REEP3: variants seen among roughly 807,000 people sequenced by gnomAD.
REEP3 encodes the protein receptor accessory protein 3, also known as receptor expression-enhancing protein 3.
Under a neutral mutation model 41.3 loss-of-function variants are expected in REEP3, and 20 were observed. That is an observed-to-expected ratio of 0.48 (90% CI 0.34 to 0.70). The LOEUF (loss-of-function observed/expected upper bound fraction) is 0.70. Among genes scored for constraint, REEP3 ranks in the 30% least tolerant of loss-of-function variants. The pLI, the probability that REEP3 is intolerant of heterozygous loss-of-function variation, is 0.01. For missense variants in REEP3, 271 were observed against 308.8 expected (o/e 0.88, Z 0.92); for synonymous variants, 104 against 101.8 (o/e 1.02, Z -0.13).
At chr10:63,588,630 C>A (rs1380591848) in intron 2 of REEP3, among the ~76,000 whole-genome samples, 1 of 152,140 alleles carries the variant, frequency 6.6e-6, no homozygotes, top group Non-Finnish European at 1.5e-5. Flanking sequence ...ACAGATGATT[C>A]ATCAGTGATC....
chr10:63,586,512 A>G (rs1956008276), intron 2 of REEP3, among the ~76,000 whole-genome samples: 1 of 152,188 alleles, frequency 6.6e-6, no homozygotes, highest in Middle Eastern at 3.2e-3. Flanking sequence ...AAATGAAAAT[A>G]TTCATCACAT....
chr10:63,568,264 T>C (rs1955818249), intron 2 of REEP3, among the ~76,000 whole-genome samples: 1 of 151,650 alleles, frequency 6.6e-6, no homozygotes, highest in Non-Finnish European at 1.5e-5. Context: ...GACTAATCCT[T>C]GTTTGTTTTT....
chr10:63,528,209 A>C (rs770212127), intron 1 of REEP3, among the ~76,000 whole-genome samples: 3 of 152,116 alleles, frequency 2.0e-5, no homozygotes, highest in Non-Finnish European at 2.9e-5. Flanking sequence ...AAACATCTGA[A>C]AGTCAGACTG....
At chr10:63,617,581 G>A (rs1049928683) in intron 6 of REEP3, among the ~76,000 whole-genome samples, 2 of 151,810 alleles carry the variant, frequency 1.3e-5, no homozygotes, top group African/African-American at 4.8e-5. Context: ...TGTATTTTTT[G>A]TAGAGAAAAG....
Position 63,527,193 on chromosome 10 carries a change from A to G in REEP3, c.32+5616A>G, listed in dbSNP as rs117792094. ...CTAAATTATACACCTTAAAAACCAT[A>G]CTTCAGCAGCTTTCCCCCTTCTTTT... On this transcript the variant is annotated intron_variant, in intron 1 of 7. Transcript: ENST00000373758. 8.5e-3 allele frequency among the ~76,000 whole-genome samples: 1,290 copies of G among 152,092 alleles called. 10 individuals are homozygous for G. The highest frequency in any genetic ancestry group is 0.013 in the Non-Finnish European group (915 of 67,990).
At chr10:63,536,820 T>TA (rs1955479136) in intron 1 of REEP3, among the ~76,000 whole-genome samples, 1 of 152,204 alleles carries the variant, frequency 6.6e-6, no homozygotes, top group African/African-American at 2.4e-5. Context: ...ATTTCACACT[T>TA]ACTAGATTGC....
intron 1 of REEP3, among the ~76,000 whole-genome samples, chr10:63,555,908 C>G (rs1955674195): frequency 6.6e-6 from 1 of 152,086 alleles, no homozygotes; most frequent in African/African-American, 2.4e-5. Context: ...GTAAGGGGCA[C>G]TTTTCAAATA....
intron 2 of REEP3, among the ~76,000 whole-genome samples, chr10:63,577,717 G>A (rs914982871): frequency 1.3e-5 from 2 of 151,986 alleles, no homozygotes; most frequent in African/African-American, 4.8e-5. Context: ...TGTTAGGCAT[G>A]AACCACTGCA....
chr10:63,610,408 T>G, intron 6 of REEP3, 74 bp downstream of exon 6: 1 of 1,403,878 alleles, frequency 7.1e-7, no homozygotes, highest in Non-Finnish European at 9.7e-7. Context: ...CTGGGGCCTG[T>G]CGGGGGGTGG....
At chr10:63,609,638 G>T (rs1267837448) in intron 5 of REEP3, among the ~76,000 whole-genome samples, 1 of 152,048 alleles carries the variant, frequency 6.6e-6, no homozygotes, top group Non-Finnish European at 1.5e-5. Context: ...GCACATGCCT[G>T]TAATCCCAGC....
intron 6 of REEP3, among the ~76,000 whole-genome samples, chr10:63,612,636 C>G (rs1407701651): frequency 1.3e-5 from 2 of 152,108 alleles, no homozygotes; most frequent in East Asian, 3.9e-4. Flanking sequence ...ACCAAAAATA[C>G]AAAAATTAGC....
At chr10:63,600,204 G>A (rs1278869351) in intron 5 of REEP3, among the ~76,000 whole-genome samples, 3 of 152,160 alleles carry the variant, frequency 2.0e-5, no homozygotes, top group African/African-American at 7.2e-5. Context: ...TTCCAGTTGA[G>A]TGGTGATTTT....
Position 63,597,951 on chromosome 10 carries a change from A to G in REEP3, c.183-73A>G, listed in dbSNP as rs535892542. On this transcript the variant is annotated intron_variant, in intron 3 of 7. Transcript: ENST00000373758. Reference sequence around the variant, plus strand: ...AACAGCATAGTGACTGAACTTTTTAAAAGGTGTTTTTGTGATTTCTACAGT... The same window carrying G: ...AACAGCATAGTGACTGAACTTTTTAGAAGGTGTTTTTGTGATTTCTACAGT... 6.9e-5 allele frequency: 95 copies of G among 1,372,390 alleles called. No individual in the cohort carries two copies. The African/African-American group carries it at 1.2e-3, about 18-fold the overall frequency. The allele number at this position is 1,372,390 out of a possible 1,614,324, so 85.0% of individuals were successfully genotyped here. A position where few individuals can be genotyped will look rare whatever the true frequency, so the allele number is the denominator to read the frequency against.
intron 5 of REEP3, among the ~76,000 whole-genome samples, chr10:63,603,648 A>G (rs2133419713): frequency 6.6e-6 from 1 of 152,228 alleles, no homozygotes; most frequent in South Asian, 2.1e-4. Flanking sequence ...AACTGTTCCC[A>G]TTTGTTTGCA....
At chr10:63,588,233 G>A (rs565850271) in intron 2 of REEP3, among the ~76,000 whole-genome samples, 1 of 152,228 alleles carries the variant, frequency 6.6e-6, no homozygotes, top group Non-Finnish European at 1.5e-5. Context: ...CTGTCCCAGA[G>A]GAAGAGGTAT....
chr10:63,599,061 A>T, intron 4 of REEP3, 109 bp from the exon 5 acceptor site: 1 of 608,656 alleles, frequency 1.6e-6, no homozygotes, highest in Non-Finnish European at 2.9e-6. Context: ...CTATCAACAC[A>T]TGCTTAATGC....
intron 2 of REEP3, among the ~76,000 whole-genome samples, chr10:63,592,594 A>G (rs1466043543): frequency 2.0e-5 from 3 of 152,176 alleles, no homozygotes; most frequent in Non-Finnish European, 2.9e-5. Flanking sequence ...ATTGACTCTA[A>G]AAGATAACCT....
chr10:63,549,340 G>A (rs1335403783), intron 1 of REEP3, among the ~76,000 whole-genome samples: 1 of 152,238 alleles, frequency 6.6e-6, no homozygotes, highest in Non-Finnish European at 1.5e-5. Flanking sequence ...GGCCACGGCT[G>A]GTGGATGACT....
intron 1 of REEP3, among the ~76,000 whole-genome samples, chr10:63,543,855 C>T (rs539058608): frequency 6.6e-6 from 1 of 152,134 alleles, no homozygotes; most frequent in Admixed American, 6.5e-5. Context: ...GTACCGTGTG[C>T]CTGGCATTAT....
Sources: gnomAD v4.1 joint callset for allele counts (sites outside exome capture counted in the v4.1 genomes callset) on GRCh38, gnomAD v4.1.1 for gene constraint, MANE v1.5 for transcripts, NCBI Gene and HGNC (gene_info 2026-07-23, HGNC 2026-07-21) for gene names.